The following PROM2 variants were observed in gnomAD, a reference collection of about 807,000 sequenced individuals.
PROM2 encodes the protein prominin 2, also known as prominin-2.
A neutral mutation model predicts 110.2 loss-of-function variants in PROM2; 90 were observed. The ratio of observed to expected loss-of-function variants is 0.82; its 90% CI spans 0.69 to 0.97. The LOEUF (loss-of-function observed/expected upper bound fraction) is 0.97. PROM2 is among the 50% of genes least tolerant of loss of function. PROM2 has a pLI of 0.00. For missense variants in PROM2, 1,009 were observed against 1,074.8 expected, an observed-to-expected ratio of 0.94 and a Z score of 0.86; for synonymous variants, 470 against 467.8, an observed-to-expected ratio of 1.00 and a Z score of -0.06.
chr2:95,275,661 C>T lies in PROM2; in HGVS notation c.294+151C>T. 7.4e-7 allele frequency: 1 copy of T among 1,354,008 alleles called. No individual in the cohort carries two copies. The allele number at this position is 1,354,008 out of a possible 1,614,324, so 83.9% of individuals were successfully genotyped here. ...CCTCTCCCCTCCTCTGTGGGCGCTG[C>T]AGTCCGTAGACCTGGGTGCAAACCA... On this transcript the variant is annotated intron_variant, in intron 2 of 23. Transcript: ENST00000317620. The surrounding 1 kb of genome is among the most constrained non-coding windows in gnomAD (Gnocchi z 4.4).
chr2:95,282,370 C>T, intron 14 of PROM2, 144 bp downstream of exon 14: 1 of 723,962 alleles, frequency 1.4e-6, no homozygotes, highest in Non-Finnish European at 2.4e-6. Flanking sequence ...AGGGCAGAGG[C>T]CCAGTTATCA....
At chr2:95,281,150 G>C in intron 11 of PROM2, 92 bp from the exon 12 acceptor site, 1 of 1,523,560 alleles carries the variant, frequency 6.6e-7, no homozygotes, top group Non-Finnish European at 8.8e-7. Context: ...AACTGGCTGA[G>C]CAGGCTGGCC....
Position 95,279,090 on chromosome 2 carries a change from TGGA to T in PROM2, c.1225_1227del (p.Glu409del). On this transcript the variant is annotated inframe_deletion, in exon 10 of 24. Coordinates refer to ENST00000317620, the MANE Select transcript of PROM2 (RefSeq NM_001165978.3). Reference sequence around the variant, plus strand: ...CGCTGGGCCCAGGCACTGCAGGAGGTGGAGGAGAGCAGCCGCCCCTACCTGCAG... The same window carrying T: ...CGCTGGGCCCAGGCACTGCAGGAGGTGGAGAGCAGCCGCCCCTACCTGCAG... The T allele has an allele frequency of 6.7e-7, 1 of 1,484,074 alleles. No homozygotes were observed. Among genetic ancestry groups the T allele is most frequent in the Non-Finnish European group, 9.1e-7 (1 of 1,104,802 alleles). 91.9% of individuals were successfully genotyped at this position (1,484,074 alleles called of 1,614,324 possible).
In PROM2 at chr2:95,286,587, C is replaced by CGG. The variant is rs1558749048; in HGVS notation, c.2040+19_2040+20dup. ...GAGCCTTGTGGTCAGTTTGGAGGCC[C>CGG]GGGGAGCCTGGGGCCTGGGGGAGGG... On this transcript the variant is annotated intron_variant, in intron 17 of 23. Transcript: ENST00000317620. 2 of 1,609,582 alleles carry CGG rather than the reference C, an allele frequency of 1.2e-6. No individual in the cohort carries two copies. Among genetic ancestry groups the CGG allele is most frequent in the African/African-American group, 2.7e-5 (2 of 74,872 alleles).
intron 11 of PROM2, among the ~76,000 whole-genome samples, chr2:95,280,391 G>C (rs550703283): frequency 6.6e-6 from 1 of 152,206 alleles, no homozygotes. Context: ...GTAAGTGGGG[G>C]CTGAAATCCA....
At chr2:95,287,091 C>A (rs759856202) in intron 18 of PROM2, 42 bp from the exon 19 acceptor site, 21 of 1,546,742 alleles carry the variant, frequency 1.4e-5, no homozygotes, top group South Asian at 4.5e-5. Flanking sequence ...TGAATGGATG[C>A]GTGAATGTGG....
chr2:95,279,998 G>C lies in PROM2; in HGVS notation c.1427+1G>C. 2.1e-6 allele frequency: 3 copies of C among 1,445,070 alleles called. No individual in the cohort carries two copies. Among genetic ancestry groups the C allele is most frequent in the Non-Finnish European group, 2.7e-6 (3 of 1,094,422 alleles). The allele number at this position is 1,445,070 out of a possible 1,614,324, so 89.5% of individuals were successfully genotyped here. On this transcript the variant is annotated splice_donor_variant, in intron 11 of 23. Transcript: ENST00000317620. LOFTEE classifies it high-confidence loss of function. ...AGGCTGGAGCCCGCTTCCTCATGGC[G>C]TAAGAAAGGGCTGGGAGAGGGGAAG...
At position 95,282,410 on chromosome 2, in the gene PROM2, G is replaced by A. The variant is rs562104905; in HGVS notation, c.1728+184G>A. Among the ~76,000 whole-genome samples, 7 of 152,288 alleles carry A rather than the reference G, an allele frequency of 4.6e-5. No individual in the cohort carries two copies. In the East Asian group the frequency reaches 1.4e-3, roughly 29 times the overall value. The stretch of plus-strand genomic sequence containing the variant: ...TGGGGAAGGTTCCGGGTGTGTAGGT[G>A]GGTCCGTGTGCACCTGAAGGCTATG... On this transcript the variant is annotated intron_variant, in intron 14 of 23. Transcript: ENST00000317620.
chr2:95,288,984 C>T lies in PROM2; in HGVS notation c.2493C>T (p.Ser831=). 6.2e-7 allele frequency: 1 copy of T among 1,614,066 alleles called. No homozygotes were observed. Among genetic ancestry groups the T allele is most frequent in the Non-Finnish European group, 8.5e-7 (1 of 1,179,944 alleles). Residue 831 remains serine, a synonymous_variant, in exon 23 of 24, where the codon TCC becomes TCT. Transcript: ENST00000317620. ...TQLFHIPRVT[S]LKL Reference sequence around the variant, plus strand: ...TCTTCCACATCCCCCGGGTTACCTCCCTGAAGCTGTAGGGCCTTGTGGGTG... The same window carrying T: ...TCTTCCACATCCCCCGGGTTACCTCTCTGAAGCTGTAGGGCCTTGTGGGTG...
At position 95,275,362 on chromosome 2, in the gene PROM2, C is replaced by T. The variant is rs1676584863; in HGVS notation, c.245-99C>T. ...AGGGTGCCATGGTGGTGGCAGGAGC[C>T]CTGCCTCAGAGCCACTTTGCCCTGG... On this transcript the variant is annotated intron_variant, in intron 1 of 23. Transcript: ENST00000317620. This position sits in a 1 kb window ranked among gnomAD's most constrained non-coding sequence, Gnocchi z 4.4. The T allele has an allele frequency of 2.5e-6, 3 of 1,197,168 alleles. No individual in the cohort carries two copies. Among genetic ancestry groups the T allele is most frequent in the South Asian group, 2.9e-5 (2 of 69,174 alleles). The allele number at this position is 1,197,168 out of a possible 1,614,324, so 74.2% of individuals were successfully genotyped here. A position where few individuals can be genotyped will look rare whatever the true frequency, so the allele number is the denominator to read the frequency against.
chr2:95,279,730 T>TCTGAAGCC lies in PROM2; in HGVS notation c.1275-113_1275-106dup, dbSNP rs1676929504. The TCTGAAGCC allele has an allele frequency of 9.6e-6, 8 of 832,736 alleles. No homozygotes were observed. The East Asian group carries it at 2.4e-4, about 25-fold the overall frequency. The allele number at this position is 832,736 out of a possible 1,614,324, so 51.6% of individuals were successfully genotyped here. On this transcript the variant is annotated intron_variant, in intron 10 of 23. Coordinates refer to ENST00000317620, the MANE Select transcript of PROM2 (RefSeq NM_001165978.3). ...CTCAGGAAGAGTCTGTATCTGCATT[T>TCTGAAGCC]CTGAAGCCCCAGCCTTGGGGTTAGA... is the stretch of plus-strand genomic sequence containing the variant.
chr2:95,279,758 C>T, intron 10 of PROM2, 87 bp from the exon 11 acceptor site: 1 of 1,173,658 alleles, frequency 8.5e-7, no homozygotes, highest in Middle Eastern at 2.8e-4. Flanking sequence ...GGGTTAGAGG[C>T]CACACCCGGT....
Position 95,279,765 on chromosome 2 carries a change from C to G in PROM2, c.1275-80C>G, listed in dbSNP as rs143836029. 3 of 1,242,496 alleles carry G rather than the reference C, an allele frequency of 2.4e-6. No individual in the cohort carries two copies. The Admixed American group carries it at 9.0e-5, about 37-fold the overall frequency. 77.0% of individuals were successfully genotyped at this position (1,242,496 alleles called of 1,614,324 possible). A position where few individuals can be genotyped will look rare whatever the true frequency, so the allele number is the denominator to read the frequency against. ...CAGCCTTGGGGTTAGAGGCCACACC[C>G]GGTCGCCACGTCCCGCACCTGTCCA... On this transcript the variant is annotated intron_variant, in intron 10 of 23. Coordinates refer to ENST00000317620, the MANE Select transcript of PROM2 (RefSeq NM_001165978.3).
At chr2:95,281,163 G>A in intron 11 of PROM2, 79 bp from the exon 12 acceptor site, 1 of 1,557,716 alleles carries the variant, frequency 6.4e-7, no homozygotes, top group South Asian at 1.2e-5. Context: ...GGCTGGCCCT[G>A]GGGTGAGGGT....
rs200361791 is a variant in PROM2 at position 95,277,100 on chromosome 2, C to T, written c.772+39C>T. ...GCATCCTGGATAGTGTGGAGCCCAG[C>T]GGGTGTCCTCCTGGGGCGATCCCAC... On this transcript the variant is annotated intron_variant, in intron 6 of 23. Transcript: ENST00000317620. The T allele has an allele frequency of 1.3e-5, 20 of 1,519,168 alleles. No individual in the cohort carries two copies. The East Asian group carries it at 3.4e-4, about 26-fold the overall frequency. The allele number at this position is 1,519,168 out of a possible 1,614,324, so 94.1% of individuals were successfully genotyped here.
At position 95,278,645 on chromosome 2, in the gene PROM2, C is replaced by T. The variant is rs1465931034; in HGVS notation, c.1051-76C>T. The T allele has an allele frequency of 7.1e-6, 11 of 1,552,862 alleles. No homozygotes were observed. In the African/African-American group the frequency reaches 1.5e-4, roughly 21 times the overall value. ...CACTGAGGGGGGCCCTCCCTCTAGGCCTGGTGACTTTGGGGTCTCCCAAGA... is the reference window on the plus strand; with the variant it reads ...CACTGAGGGGGGCCCTCCCTCTAGGTCTGGTGACTTTGGGGTCTCCCAAGA... On this transcript the variant is annotated intron_variant, in intron 8 of 23. Transcript: ENST00000317620.
rs1573443051 is a variant in PROM2, at chr2:95,275,553, G to C, written c.294+43G>C. The C allele has an allele frequency of 1.2e-6, 2 of 1,606,804 alleles. No homozygotes were observed. The highest frequency in any genetic ancestry group is 2.2e-5 in the East Asian group (1 of 44,846). ...AGGTGCTGGGGGAGGGAGTTCTGGG[G>C]TGAGCAGCAGGGTGGGAGCAGAAAA... On this transcript the variant is annotated intron_variant, in intron 2 of 23. Transcript: ENST00000317620. The surrounding 1 kb of genome is among the most constrained non-coding windows in gnomAD (Gnocchi z 4.4).
Position 95,287,204 on chromosome 2 carries a change from C to T in PROM2, c.2166C>T (p.Ile722=). 2 of 1,613,850 alleles carry T rather than the reference C, an allele frequency of 1.2e-6. No homozygotes were observed. The highest frequency in any genetic ancestry group is 1.1e-5 in the South Asian group (1 of 91,056). The change falls in exon 19 of 24, where the codon ATC becomes ATT. Residue 722 remains isoleucine, a synonymous_variant. Coordinates refer to ENST00000317620, the MANE Select transcript of PROM2 (RefSeq NM_001165978.3). ...AGCTGCCTGCCTGGGCAGCCAGGAT[C>T]CTGAGGAATGTGAGTGGTGGGTGGG... The part of the protein sequence containing the change: ...KGELPAWAAR[I]LRNVSECFLA...
intron 1 of PROM2, 121 bp downstream of exon 1, chr2:95,274,950 T>C: frequency 7.6e-7 from 1 of 1,321,912 alleles, no homozygotes; most frequent in African/African-American, 1.5e-5. Flanking sequence ...CTTCCTGGGG[T>C]AGAAGGCGGA....
Sources: allele counts gnomAD v4.1 joint callset (sites outside exome capture counted in the v4.1 genomes callset), GRCh38; gene constraint gnomAD v4.1.1; non-coding constraint Gnocchi (gnomAD v3.1); transcripts MANE v1.5; gene names NCBI Gene and HGNC (gene_info 2026-07-23, HGNC 2026-07-21).